Variants in RASA3 observed in about 807,000 individuals in gnomAD.
RASA3 encodes the protein RAS p21 protein activator 3, also known as ras GTPase-activating protein 3.
Under a neutral mutation model 110.0 loss-of-function variants are expected in RASA3, and 73 were observed. The observed-to-expected ratio is 0.66, with a 90% CI of 0.55 to 0.81. The LOEUF (loss-of-function observed/expected upper bound fraction) is 0.81. Among genes scored for constraint, RASA3 ranks in the 30% least tolerant of loss-of-function variants. The pLI, the probability that RASA3 is intolerant of heterozygous loss-of-function variation, is 0.00. For synonymous variants in RASA3, 500 were observed against 451.4 expected (o/e 1.11, Z -1.37); for missense variants, 976 against 1,113.2 (o/e 0.88, Z 1.75).
intron 1 of RASA3, among the ~76,000 whole-genome samples, chr13:114,087,486 C>G (rs554316711): frequency 6.6e-6 from 1 of 152,236 alleles, no homozygotes; most frequent in Admixed American, 6.5e-5. Context: ...GCGCGCTACA[C>G]GAGCTTTTGA....
rs1483764856 is a variant in RASA3, at chr13:114,014,104, C to T, written c.1406-856G>A. ...TCTCTGCCTCTCTCTCCGTCTCTCC[C>T]TGTCTCTCTCTCTCTCTCCTTGTCT... On this transcript the variant is annotated intron_variant, in intron 14 of 23. Transcript: ENST00000334062. The surrounding 1 kb of genome is among the most constrained non-coding windows in gnomAD (Gnocchi z 4.5). 1.3e-5 allele frequency among the ~76,000 whole-genome samples: 2 copies of T among 149,696 alleles called. No individual in the cohort carries two copies. The highest frequency in any genetic ancestry group is 3.0e-5 in the Non-Finnish European group (2 of 67,698).
rs145332037 is a variant in RASA3 at position 114,030,179 on chromosome 13, A to T, written c.373-292T>A. ...GAAGTGAGGGGTCCAACCGTGTAGG[A>T]GACGGTCATTCAGTGAAGCAGACCC... On this transcript the variant is annotated intron_variant, in intron 4 of 23. Coordinates refer to ENST00000334062, the MANE Select transcript of RASA3 (RefSeq NM_007368.4). Among the ~76,000 whole-genome samples, 629 of 152,340 alleles carry T rather than the reference A, an allele frequency of 4.1e-3. 2 individuals carry two copies. Among genetic ancestry groups the T allele is most frequent in the African/African-American group, 0.014 (601 of 41,582 alleles).
chr13:113,989,664 CCCAT>C (rs960095871), intron 22 of RASA3, among the ~76,000 whole-genome samples: 1 of 150,814 alleles, frequency 6.6e-6, no homozygotes, highest in Non-Finnish European at 1.5e-5. Flanking sequence ...CACCCATCTA[CCCAT>C]CCATCCATCC....
At position 114,052,077 on chromosome 13, in the gene RASA3, G is replaced by T; in HGVS notation, c.252C>A (p.Asp84Glu). The T allele has an allele frequency of 6.2e-7, 1 of 1,611,336 alleles. No homozygotes were observed. The highest frequency in any genetic ancestry group is 2.2e-5 in the East Asian group (1 of 44,866). Reference sequence around the variant, plus strand: ...CTATGATGGAATCCCTCCGGAAAACGTCTCTATCGAAAATGTAGAAGGACA... The same window carrying T: ...CTATGATGGAATCCCTCCGGAAAACTTCTCTATCGAAAATGTAGAAGGACA... ...RHLSFYIFDRDVFRRDSIIGK... is the reference protein window; with the variant it reads ...RHLSFYIFDREVFRRDSIIGK... The change falls in exon 3 of 24, where the codon GAC becomes GAA. Residue 84 changes from aspartate to glutamate, a missense_variant. By Grantham distance (45) the Asp-to-Glu change is conservative (BLOSUM62 2). Around this residue, in one of 4 missense-constraint regions of RASA3, gnomAD observed 732 missense variants for 779.7 expected, o/e 0.94. Coordinates refer to ENST00000334062, the MANE Select transcript of RASA3 (RefSeq NM_007368.4).
chr13:114,093,289 A>G (rs2079907559), intron 1 of RASA3, among the ~76,000 whole-genome samples: 1 of 152,218 alleles, frequency 6.6e-6, no homozygotes, highest in Non-Finnish European at 1.5e-5. Context: ...TGTCTGAGAA[A>G]GCTGCCATCT....
intron 20 of RASA3, among the ~76,000 whole-genome samples, chr13:113,998,313 C>A (rs2139141983): frequency 6.6e-6 from 1 of 152,214 alleles, no homozygotes; most frequent in East Asian, 1.9e-4. Flanking sequence ...CCCTCCTCTT[C>A]CCATGCCCTC....
chr13:114,047,722 G>A lies in RASA3; in HGVS notation c.277+4330C>T, dbSNP rs191278031. On this transcript the variant is annotated intron_variant, in intron 3 of 23. Coordinates refer to ENST00000334062, the MANE Select transcript of RASA3 (RefSeq NM_007368.4). ...CACGGGCAGTGGAAGGGGGCGGCCTGGCTCACAGCCGCACAGCGCGGGACC... is the reference window on the plus strand; with the variant it reads ...CACGGGCAGTGGAAGGGGGCGGCCTAGCTCACAGCCGCACAGCGCGGGACC... Among the ~76,000 whole-genome samples, 489 of 152,360 alleles carry A rather than the reference G, an allele frequency of 3.2e-3. 4 individuals carry two copies. The highest frequency in any genetic ancestry group is 0.011 in the African/African-American group (467 of 41,578).
rs553830456 is a variant in RASA3, at chr13:113,981,740, C to T, written c.2364G>A (p.Gly788=). ...KTLKQVIAGV[G]ALEQEHAQYK... ...ACTGGGCGTGCTCCTGCTCCAAAGC[C>T]CCAACCCCAGCGATGACTTGCTTTA... Residue 788 remains glycine, a synonymous_variant, in exon 23 of 24, where the codon GGG becomes GGA. Coordinates refer to ENST00000334062, the MANE Select transcript of RASA3 (RefSeq NM_007368.4). 1.9e-6 allele frequency: 3 copies of T among 1,614,126 alleles called. No individual in the cohort carries two copies. Among genetic ancestry groups the T allele is most frequent in the African/African-American group, 2.7e-5 (2 of 75,048 alleles).
chr13:114,025,673 G>C lies in RASA3; in HGVS notation c.604-1318C>G, dbSNP rs8002737. Among the ~76,000 whole-genome samples, 208 of 152,382 alleles carry C rather than the reference G, an allele frequency of 1.4e-3. 1 individual carries two copies. Among genetic ancestry groups the C allele is most frequent in the African/African-American group, 3.6e-3 (151 of 41,596 alleles). ...GACACGTGTTGAGTGAATGAAGGCAGCTCCTACCAAATTTATGAGATTATT... is the reference window on the plus strand; with the variant it reads ...GACACGTGTTGAGTGAATGAAGGCACCTCCTACCAAATTTATGAGATTATT... On this transcript the variant is annotated intron_variant, in intron 7 of 23. Transcript: ENST00000334062.
chr13:114,047,667 C>T (rs572802198), intron 3 of RASA3, among the ~76,000 whole-genome samples: 27 of 152,340 alleles, frequency 1.8e-4, no homozygotes, highest in Non-Finnish European at 3.2e-4. Flanking sequence ...GTGGATGAGG[C>T]GGCTGAGCTG....
In RASA3 at chr13:114,057,116, G is replaced by T; in HGVS notation, c.174-4961C>A. 1 of 800,112 alleles carries T rather than the reference G, an allele frequency of 1.2e-6. No individual in the cohort carries two copies. Among genetic ancestry groups the T allele is most frequent in the Non-Finnish European group, 1.5e-6 (1 of 661,062 alleles). The allele number at this position is 800,112 out of a possible 1,614,324, so 49.6% of individuals were successfully genotyped here. A position where few individuals can be genotyped will look rare whatever the true frequency, so the allele number is the denominator to read the frequency against. On this transcript the variant is annotated intron_variant, in intron 2 of 23. Coordinates refer to ENST00000334062, the MANE Select transcript of RASA3 (RefSeq NM_007368.4). The surrounding 1 kb of genome is among the most constrained non-coding windows in gnomAD (Gnocchi z 5.0). ...GAACAGGCTCCAGCACAGGCGATGG[G>T]TGAGTGTTTTGCATGTCTGATGTCG...
chr13:114,001,078 G>C (rs557596570), intron 18 of RASA3, 146 bp from the exon 19 acceptor site: 2 of 627,522 alleles, frequency 3.2e-6, no homozygotes, highest in African/African-American at 3.7e-5. Flanking sequence ...CGAGTGATGA[G>C]ATTAAAATTG....
intron 21 of RASA3, among the ~76,000 whole-genome samples, chr13:113,993,751 T>C (rs2053170427): frequency 7.4e-6 from 1 of 135,000 alleles, no homozygotes; most frequent in Non-Finnish European, 1.5e-5. Context: ...GAGGTTGCAG[T>C]GAGCCGAAAT....
chr13:114,073,295 C>A (rs1451209810), intron 2 of RASA3, among the ~76,000 whole-genome samples: 2 of 139,402 alleles, frequency 1.4e-5, no homozygotes, highest in African/African-American at 2.7e-5. Flanking sequence ...ACATTGTCTA[C>A]GCACAGAAAA....
At chr13:114,110,966 G>A (rs562810517) in intron 1 of RASA3, among the ~76,000 whole-genome samples, 1 of 152,004 alleles carries the variant, frequency 6.6e-6, no homozygotes, top group South Asian at 2.1e-4. Flanking sequence ...CCAGACACCT[G>A]TCATAATCCA....
chr13:114,009,340 C>T, intron 17 of RASA3, 47 bp downstream of exon 17: 1 of 1,450,930 alleles, frequency 6.9e-7, no homozygotes, highest in African/African-American at 1.4e-5. Context: ...AGAACTCCGT[C>T]TCCTGAGCAC....
At chr13:114,050,753 C>T (rs1594388469) in intron 3 of RASA3, among the ~76,000 whole-genome samples, 1 of 152,086 alleles carries the variant, frequency 6.6e-6, no homozygotes, top group Admixed American at 6.6e-5. Flanking sequence ...CTCATGCCCC[C>T]TCTCTCTCTC....
chr13:114,025,591 CCT>C (rs1055403304), intron 7 of RASA3, among the ~76,000 whole-genome samples: 36 of 152,376 alleles, frequency 2.4e-4, no homozygotes, highest in African/African-American at 8.7e-4. Flanking sequence ...GCCTTGGACT[CCT>C]CTGTTTTCTG....
At chr13:114,055,212 T>C (rs2139578781) in intron 2 of RASA3, among the ~76,000 whole-genome samples, 1 of 152,370 alleles carries the variant, frequency 6.6e-6, no homozygotes, top group Non-Finnish European at 1.5e-5. Flanking sequence ...CATACATGTG[T>C]GCTCACAGGC....
Sources: gnomAD v4.1 joint callset for allele counts (sites outside exome capture counted in the v4.1 genomes callset) on GRCh38, gnomAD v4.1.1 for gene constraint, gnomAD v4.1.1 regional missense constraint, Gnocchi (gnomAD v3.1) non-coding constraint, MANE v1.5 for transcripts, NCBI Gene and HGNC (gene_info 2026-07-23, HGNC 2026-07-21) for gene names.